Variants in RBM39 observed in about 807,000 individuals in gnomAD.
RBM39 encodes the protein RNA-binding protein 39.
Under a neutral mutation model 79.6 loss-of-function variants are expected in RBM39, and 12 were observed. That is an observed-to-expected ratio of 0.15 (90% CI 0.10 to 0.24). RBM39 has a LOEUF of 0.24. Ranked by LOEUF, RBM39 falls within the 10% of genes least tolerant of loss-of-function variation. RBM39 has a pLI of 1.00. For missense variants in RBM39, 243 were observed against 653.4 expected (o/e 0.37, Z 6.85); for synonymous variants, 185 against 208.4 (o/e 0.89, Z 0.97).
At chr20:35,735,908 T>A (rs1234831441) in intron 3 of RBM39, among the ~76,000 whole-genome samples, 1 of 152,192 alleles carries the variant, frequency 6.6e-6, no homozygotes, top group Non-Finnish European at 1.5e-5. Flanking sequence ...ATATCACACA[T>A]GGAGAACTTG....
At chr20:35,713,560 G>C (rs1167855136) in intron 11 of RBM39, 1 of 148,766 alleles carries the variant, frequency 6.7e-6, no homozygotes, top group African/African-American at 2.5e-5. Flanking sequence ...CCTGAACTTA[G>C]GTGATCCACC....
intron 12 of RBM39, among the ~76,000 whole-genome samples, chr20:35,712,231 G>A (rs921162035): frequency 5.3e-4 from 81 of 151,944 alleles, no homozygotes; most frequent in African/African-American, 1.8e-3. Context: ...CACTTTGAGA[G>A]GCCAAGGTGG....
At chr20:35,727,249 TAACCTG>T (rs2038827891) in intron 6 of RBM39, among the ~76,000 whole-genome samples, 1 of 151,784 alleles carries the variant, frequency 6.6e-6, no homozygotes, top group Non-Finnish European at 1.5e-5. Context: ...CTCGGGAGGC[TAACCTG>T]GGTGGGATTG....
intron 3 of RBM39, chr20:35,732,432 T>A: frequency 3.2e-6 from 1 of 313,258 alleles, no homozygotes; most frequent in Non-Finnish European, 6.0e-6. Flanking sequence ...ACCGTGCGCC[T>A]GTAGTCCCAG....
intron 9 of RBM39, among the ~76,000 whole-genome samples, chr20:35,721,169 A>T (rs1475766515): frequency 1.3e-5 from 2 of 152,028 alleles, no homozygotes; most frequent in African/African-American, 4.8e-5. Context: ...TTGATCTCAT[A>T]ATCTGCCCAC....
intron 15 of RBM39, 188 bp downstream of exon 15, chr20:35,705,037 A>G: frequency 1.7e-6 from 1 of 597,494 alleles, no homozygotes; most frequent in East Asian, 2.9e-5. Context: ...TCATACCCTG[A>G]TCAAATTGTT....
At position 35,702,042 on chromosome 20, in the gene RBM39, T is replaced by G. The variant is rs2035308712; in HGVS notation, c.*2439A>C. Reference sequence around the variant, plus strand: ...ACCACTCATCAACAATCTATATAGCTTGCCCTCCACAAAACTTACTAGTTT... The same window carrying G: ...ACCACTCATCAACAATCTATATAGCGTGCCCTCCACAAAACTTACTAGTTT... On this transcript the variant is annotated 3_prime_UTR_variant, in exon 17 of 17. Coordinates refer to ENST00000253363, the MANE Select transcript of RBM39 (RefSeq NM_184234.3). 6.6e-6 allele frequency: 1 copy of G among 152,208 alleles called. No homozygotes were observed. The highest frequency in any genetic ancestry group is 1.5e-5 in the Non-Finnish European group (1 of 68,032). 9.4% of individuals were successfully genotyped at this position (152,208 alleles called of 1,614,324 possible).
intron 3 of RBM39, among the ~76,000 whole-genome samples, chr20:35,733,611 A>AAAAAAG (rs60930450): frequency 0.16 from 23,739 of 151,606 alleles, 2,127 homozygotes; most frequent in African/African-American, 0.26. Flanking sequence ...TGTCTCCAAA[A>AAAAAAG]AAAAAGAAAA....
At chr20:35,707,027 TAAAAAAAAAAA>T (rs58614202) in intron 14 of RBM39, 82 bp downstream of exon 14, 17 of 151,874 alleles carry the variant, frequency 1.1e-4, no homozygotes, top group South Asian at 6.4e-4. Context: ...AACTCCATCT[TAAAAAAAAAAA>T]AAAAAAAAAA....
At chr20:35,714,962 T>A (rs1307957561) in intron 10 of RBM39, among the ~76,000 whole-genome samples, 1 of 152,154 alleles carries the variant, frequency 6.6e-6, no homozygotes, top group African/African-American at 2.4e-5. Context: ...AATAAAAAAA[T>A]AAAATTGGTG....
intron 9 of RBM39, chr20:35,720,019 G>C: frequency 3.9e-6 from 1 of 259,016 alleles, no homozygotes; most frequent in Non-Finnish European, 8.3e-6. Context: ...CTGACCTCAA[G>C]CGATCCACTT....
rs911678806 is a variant in RBM39, at chr20:35,701,359, C to T, written c.*3122G>A. The T allele has an allele frequency of 1.2e-5, 2 of 160,842 alleles. No homozygotes were observed. Among genetic ancestry groups the T allele is most frequent in the Non-Finnish European group, 2.7e-5 (2 of 73,148 alleles). The allele number at this position is 160,842 out of a possible 1,614,324, so 10.0% of individuals were successfully genotyped here. A position where few individuals can be genotyped will look rare whatever the true frequency, so the allele number is the denominator to read the frequency against. ...AGGTTGGAGTGCAGTGGCACGATCT[C>T]GGCTTACCGCAACTTCTGCCTCCTG... On this transcript the variant is annotated 3_prime_UTR_variant, in exon 17 of 17. Coordinates refer to ENST00000253363, the MANE Select transcript of RBM39 (RefSeq NM_184234.3).
chr20:35,716,151 G>C (rs1164304203), intron 10 of RBM39, among the ~76,000 whole-genome samples: 1 of 151,914 alleles, frequency 6.6e-6, no homozygotes, highest in African/African-American at 2.4e-5. Flanking sequence ...TTGGCTCACT[G>C]CAATCTCCAT....
intron 6 of RBM39, among the ~76,000 whole-genome samples, chr20:35,728,376 T>C (rs1236493748): frequency 1.3e-5 from 2 of 152,232 alleles, no homozygotes; most frequent in Non-Finnish European, 2.9e-5. Flanking sequence ...ACTGTATACA[T>C]GTATCAAAAC....
intron 11 of RBM39, chr20:35,713,871 TAAGA>T (rs1250210203): frequency 4.4e-6 from 1 of 225,214 alleles, no homozygotes; most frequent in Admixed American, 5.4e-5. Flanking sequence ...CATCAAAAAA[TAAGA>T]AATTACAAAA....
intron 9 of RBM39, 143 bp from the exon 10 acceptor site, chr20:35,716,948 C>CT (rs1167579205): frequency 1.9e-5 from 11 of 581,714 alleles, no homozygotes; most frequent in East Asian, 3.1e-5. Flanking sequence ...ACCAAGAAGT[C>CT]TTTTTTAAGT....
intron 3 of RBM39, chr20:35,735,185 CTT>C: frequency 7.4e-7 from 1 of 1,348,566 alleles, no homozygotes; most frequent in East Asian, 2.7e-5. Flanking sequence ...TTAATGTTAT[CTT>C]TTATTGAGTA....
At chr20:35,737,051 G>A (rs1320570558) in intron 3 of RBM39, among the ~76,000 whole-genome samples, 1 of 150,884 alleles carries the variant, frequency 6.6e-6, no homozygotes, top group Non-Finnish European at 1.5e-5. Flanking sequence ...GAGGTCAAGA[G>A]ATGGAGACCA....
intron 12 of RBM39, among the ~76,000 whole-genome samples, chr20:35,711,661 T>C (rs946654827): frequency 1.8e-4 from 27 of 152,214 alleles, no homozygotes; most frequent in Non-Finnish European, 2.9e-5. Context: ...GAACAACCAC[T>C]AAGAAGGCAA....
Sources: allele counts gnomAD v4.1 joint callset (sites outside exome capture counted in the v4.1 genomes callset), GRCh38; gene constraint gnomAD v4.1.1; transcripts MANE v1.5; gene names NCBI Gene and HGNC (gene_info 2026-07-23, HGNC 2026-07-21).